RPS6KA2: variants seen among roughly 807,000 people sequenced by gnomAD.
RPS6KA2 encodes ribosomal protein S6 kinase A2, also known as ribosomal protein S6 kinase alpha-2.
RPS6KA2 carries 42 observed loss-of-function variants against 91.8 expected under a neutral mutation model. That is an observed-to-expected ratio of 0.46 (90% CI 0.36 to 0.59). The LOEUF (loss-of-function observed/expected upper bound fraction) is 0.59, where lower values mean the gene tolerates loss of function less well. Among genes scored for constraint, RPS6KA2 ranks in the 20% least tolerant of loss-of-function variants. The pLI is 0.00. For missense variants in RPS6KA2, 798 were observed against 978.5 expected, an observed-to-expected ratio of 0.82 and a Z score of 2.46; for synonymous variants, 414 against 393.6, an observed-to-expected ratio of 1.05 and a Z score of -0.61.
chr6:166,851,647 G>A (rs181950823), intron 2 of RPS6KA2, among the ~76,000 whole-genome samples: 158 of 152,240 alleles, frequency 1.0e-3, no homozygotes, highest in African/African-American at 3.4e-3. Flanking sequence ...GTCTCCAGCC[G>A]GTGCCCACGA....
In RPS6KA2 at chr6:166,508,561, A is replaced by C. The variant is rs1782349217; in HGVS notation, c.380-279T>G. The stretch of plus-strand genomic sequence containing the variant: ...CCCTCCCTTTTTTAATCACAAAGGA[A>C]TTGAAAGATACACGGGGAGAAAGAT... On this transcript the variant is annotated intron_variant, in intron 4 of 20. Transcript: ENST00000265678. The surrounding 1 kb of genome is among the most constrained non-coding windows in gnomAD (Gnocchi z 4.3). Among the ~76,000 whole-genome samples, 1 of 152,148 alleles carries C rather than the reference A, an allele frequency of 6.6e-6. No individual in the cohort carries two copies. Among genetic ancestry groups the C allele is most frequent in the Non-Finnish European group, 1.5e-5 (1 of 68,022 alleles).
intron 2 of RPS6KA2, among the ~76,000 whole-genome samples, chr6:166,768,348 T>C (rs2128605825): frequency 6.6e-6 from 1 of 152,322 alleles, no homozygotes; most frequent in Middle Eastern, 3.4e-3. Flanking sequence ...AAAGAGGACA[T>C]ACAATTAGCT....
chr6:166,705,110 C>A (rs1789641119), intron 2 of RPS6KA2, among the ~76,000 whole-genome samples: 1 of 152,206 alleles, frequency 6.6e-6, no homozygotes, highest in African/African-American at 2.4e-5. Flanking sequence ...ATCTACTCAA[C>A]ATCTTATTCT....
intron 10 of RPS6KA2, among the ~76,000 whole-genome samples, chr6:166,479,574 G>C (rs1781113609): frequency 6.6e-6 from 1 of 152,254 alleles, no homozygotes; most frequent in Non-Finnish European, 1.5e-5. Context: ...CTAACCGCCA[G>C]GGGGTGGCCC....
chr6:166,761,464 T>C (rs943293945), intron 2 of RPS6KA2, among the ~76,000 whole-genome samples: 7 of 152,252 alleles, frequency 4.6e-5, no homozygotes, highest in Non-Finnish European at 1.0e-4. Flanking sequence ...AAAGCAGCTA[T>C]TACTGTGTAT....
At chr6:166,674,494 G>A (rs1375138238) in intron 2 of RPS6KA2, among the ~76,000 whole-genome samples, 1 of 152,212 alleles carries the variant, frequency 6.6e-6, no homozygotes, top group South Asian at 2.1e-4. Context: ...AGGCACCAAG[G>A]ACAAGAGGTC....
Position 166,648,159 on chromosome 6 carries a change from C to CA in RPS6KA2, c.124-109376_124-109375insT, listed in dbSNP as rs1787717108. On this transcript the variant is annotated intron_variant, in intron 2 of 21. Coordinates refer to the RPS6KA2 transcript ENST00000503859. The surrounding 1 kb of genome is among the most constrained non-coding windows in gnomAD (Gnocchi z 4.8). ...ATGCACACACGCACATGGTTACACACCCATGCACACATGCTCACACACATG... is the reference window on the plus strand; with the variant it reads ...ATGCACACACGCACATGGTTACACACACCATGCACACATGCTCACACACATG... Among the ~76,000 whole-genome samples the CA allele has an allele frequency of 2.2e-5, 3 of 137,836 alleles. No individual in the cohort carries two copies. The highest frequency in any genetic ancestry group is 2.4e-4 in the South Asian group (1 of 4,096). 90.4% of individuals were successfully genotyped at this position (137,836 alleles called of 152,430 possible).
Position 166,648,021 on chromosome 6 carries a change from CATACAT to C in RPS6KA2, c.124-109243_124-109238del, listed in dbSNP as rs1304202244. On this transcript the variant is annotated intron_variant, in intron 2 of 21. Transcript: ENST00000503859. This position sits in a 1 kb window ranked among gnomAD's most constrained non-coding sequence, Gnocchi z 4.8. ...GCTCACACACGCACATGCTTACACA[CATACAT>C]ACACACATGCTCTCACACACATGCA... Among the ~76,000 whole-genome samples, 2,125 of 145,568 alleles carry C rather than the reference CATACAT, an allele frequency of 0.015. 61 individuals carry two copies. Among genetic ancestry groups the C allele is most frequent in the African/African-American group, 0.053 (2,025 of 38,106 alleles).
intron 1 of RPS6KA2, among the ~76,000 whole-genome samples, chr6:166,625,343 G>A (rs1001139716): frequency 1.5e-4 from 2 of 13,514 alleles, no homozygotes; most frequent in Admixed American, 8.2e-4. Context: ...CCCCCCCCCC[G>A]CTTGTTTCCC....
At chr6:166,680,665 G>C (rs1373675322) in intron 2 of RPS6KA2, among the ~76,000 whole-genome samples, 1 of 152,178 alleles carries the variant, frequency 6.6e-6, no homozygotes, top group Non-Finnish European at 1.5e-5. Context: ...AAGGTTTGCA[G>C]CTTCATTCCT....
chr6:166,826,456 G>A (rs1049275581), intron 2 of RPS6KA2, among the ~76,000 whole-genome samples: 9 of 152,162 alleles, frequency 5.9e-5, no homozygotes, highest in Admixed American at 1.3e-4. Context: ...TCAGATTCAA[G>A]TCATCCACAG....
Position 166,726,874 on chromosome 6 carries a change from C to T in RPS6KA2, c.123+131326G>A, listed in dbSNP as rs1411798030. Among the ~76,000 whole-genome samples the T allele has an allele frequency of 6.6e-6, 1 of 152,154 alleles. No individual in the cohort carries two copies. The highest frequency in any genetic ancestry group is 1.5e-5 in the Non-Finnish European group (1 of 68,032). On this transcript the variant is annotated intron_variant, in intron 2 of 21. Coordinates refer to the RPS6KA2 transcript ENST00000503859. This position sits in a 1 kb window ranked among gnomAD's most constrained non-coding sequence, Gnocchi z 4.4. ...GTGTCTGGCGGGTGGGGAGGAATCC[C>T]AGGCCTGGAATCTACCGTCCTGGGT...
At chr6:166,788,824 C>G (rs541096210) in intron 2 of RPS6KA2, among the ~76,000 whole-genome samples, 3 of 152,244 alleles carry the variant, frequency 2.0e-5, no homozygotes, top group African/African-American at 7.2e-5. Flanking sequence ...GCACATTCTG[C>G]ACATGTATCC....
chr6:166,452,795 A>T (rs1779958964), intron 12 of RPS6KA2, among the ~76,000 whole-genome samples: 1 of 152,222 alleles, frequency 6.6e-6, no homozygotes, highest in Non-Finnish European at 1.5e-5. Context: ...CATATACAAA[A>T]ATCAACTAAG....
chr6:166,619,099 C>T (rs1786531113), intron 1 of RPS6KA2, among the ~76,000 whole-genome samples: 1 of 152,218 alleles, frequency 6.6e-6, no homozygotes, highest in African/African-American at 2.4e-5. Context: ...CCATCGATGC[C>T]ATCAGCAAAG....
At chr6:166,655,068 C>T (rs562564109) in intron 2 of RPS6KA2, among the ~76,000 whole-genome samples, 9 of 152,164 alleles carry the variant, frequency 5.9e-5, no homozygotes, top group South Asian at 2.1e-4. Flanking sequence ...GACAACCCAC[C>T]GCAACCCCAA....
intron 2 of RPS6KA2, among the ~76,000 whole-genome samples, chr6:166,822,984 T>TC (rs1779941110): frequency 6.6e-6 from 1 of 152,204 alleles, no homozygotes; most frequent in Non-Finnish European, 1.5e-5. Context: ...AATGAGGGTA[T>TC]CACTCTTTGA....
intron 10 of RPS6KA2, among the ~76,000 whole-genome samples, chr6:166,480,753 G>A (rs1781185811): frequency 6.6e-6 from 1 of 151,964 alleles, no homozygotes; most frequent in Non-Finnish European, 1.5e-5. Context: ...GACCTCAGGT[G>A]ATCCGCCTGC....
chr6:166,704,969 G>C (rs1789635718), intron 2 of RPS6KA2, among the ~76,000 whole-genome samples: 1 of 152,328 alleles, frequency 6.6e-6, no homozygotes, highest in South Asian at 2.1e-4. Flanking sequence ...TCTGGTTACA[G>C]AATTTCTAAG....
Sources: allele counts gnomAD v4.1 joint callset (sites outside exome capture counted in the v4.1 genomes callset), GRCh38; gene constraint gnomAD v4.1.1; non-coding constraint Gnocchi (gnomAD v3.1); transcripts MANE v1.5; gene names NCBI Gene and HGNC (gene_info 2026-07-23, HGNC 2026-07-21).